INPP5B: variants seen among roughly 807,000 people sequenced by gnomAD.
The protein encoded by INPP5B is type II inositol 1,4,5-trisphosphate 5-phosphatase.
Under a neutral mutation model 118.5 loss-of-function variants are expected in INPP5B, and 90 were observed. That is an observed-to-expected ratio of 0.76 (90% confidence interval 0.64 to 0.90). The LOEUF (loss-of-function observed/expected upper bound fraction) is 0.90. Ranked by LOEUF, INPP5B falls within the 40% of genes least tolerant of loss-of-function variation. INPP5B has a pLI of 0.00. For synonymous variants in INPP5B, 385 were observed against 418.9 expected (o/e 0.92, Z 0.99); for missense variants, 984 against 1,125.6 (o/e 0.87, Z 1.80).
At chr1:37,880,940 C>A (rs1434185085) in intron 14 of INPP5B, among the ~76,000 whole-genome samples, 1 of 152,194 alleles carries the variant, frequency 6.6e-6, no homozygotes, top group African/African-American at 2.4e-5. Context: ...CTAGGCTGGT[C>A]TCAAACTCTT....
chr1:37,868,395 G>C (rs1460949776), intron 20 of INPP5B, 106 bp downstream of exon 20: 1 of 713,526 alleles, frequency 1.4e-6, no homozygotes, highest in African/African-American at 1.7e-5. Context: ...CCCTCCCTGG[G>C]TGAAGAACAG....
chr1:37,912,984 G>A (rs1016568927), intron 7 of INPP5B, among the ~76,000 whole-genome samples: 2 of 150,500 alleles, frequency 1.3e-5, no homozygotes, highest in Non-Finnish European at 2.9e-5. Flanking sequence ...TGGGCCAGGC[G>A]CAGTGGCTCA....
intron 6 of INPP5B, among the ~76,000 whole-genome samples, chr1:37,934,725 T>C: frequency 6.6e-6 from 1 of 152,150 alleles, no homozygotes; most frequent in East Asian, 1.9e-4. Flanking sequence ...ACCCCAGGTG[T>C]GGTGTGGACC....
At chr1:37,896,762 CCGGA>C (rs1352980889) in intron 7 of INPP5B, among the ~76,000 whole-genome samples, 1 of 133,428 alleles carries the variant, frequency 7.5e-6, no homozygotes, top group Non-Finnish European at 1.6e-5. Flanking sequence ...CCGCCCCGTC[CCGGA>C]GGGAGGGAGG....
chr1:37,937,011 G>A (rs924687208), intron 6 of INPP5B, among the ~76,000 whole-genome samples: 3 of 151,878 alleles, frequency 2.0e-5, no homozygotes, highest in Non-Finnish European at 4.4e-5. Flanking sequence ...TAAGATCGTG[G>A]TAAAGAGTAT....
chr1:37,935,093 C>T (rs1483020590), intron 6 of INPP5B, among the ~76,000 whole-genome samples: 1 of 149,086 alleles, frequency 6.7e-6, no homozygotes, highest in Non-Finnish European at 1.5e-5. Context: ...CCCAGCTACT[C>T]GGGAGGCTGA....
rs1176166755 is a variant in INPP5B, at chr1:37,886,879, A to G, written c.1131+9T>C. On this transcript the variant is annotated intron_variant, in intron 12 of 23. Transcript: ENST00000373024. ...CTCAATGTGCCAAACAAACCAACCA[A>G]GGACTCACCATCCTCCCCATGATTC... The G allele has an allele frequency of 6.2e-7, 1 of 1,610,064 alleles. No homozygotes were observed. The highest frequency in any genetic ancestry group is 1.3e-5 in the African/African-American group (1 of 74,842).
At chr1:37,928,742 C>A (rs1302736303) in intron 7 of INPP5B, 1 of 152,158 alleles carries the variant, frequency 6.6e-6, no homozygotes, top group Non-Finnish European at 1.5e-5. Context: ...GATCCGCCCA[C>A]CTCGGCCTCC....
chr1:37,896,815 C>T (rs1342064686), intron 7 of INPP5B, among the ~76,000 whole-genome samples: 1 of 141,666 alleles, frequency 7.1e-6, no homozygotes, highest in African/African-American at 2.6e-5. Flanking sequence ...CCGCCCTGTC[C>T]GGGAGGTGAG....
At chr1:37,897,314 T>C (rs1318598497) in intron 7 of INPP5B, among the ~76,000 whole-genome samples, 3 of 147,308 alleles carry the variant, frequency 2.0e-5, no homozygotes, top group Admixed American at 6.8e-5. Flanking sequence ...GGGGAAAAGA[T>C]TGAGAAATCG....
At chr1:37,889,811 A>G in intron 8 of INPP5B, 87 bp from the exon 9 acceptor site, 2 of 976,912 alleles carry the variant, frequency 2.0e-6, no homozygotes, top group East Asian at 4.9e-5. Context: ...CCCCTATACA[A>G]GCATCTAAGT....
At position 37,868,565 on chromosome 1, in the gene INPP5B, G is replaced by A. The variant is rs1307732215; in HGVS notation, c.2237C>T (p.Pro746Leu). The A allele has an allele frequency of 6.2e-7, 1 of 1,613,932 alleles. No homozygotes were observed. The highest frequency in any genetic ancestry group is 8.5e-7 in the Non-Finnish European group (1 of 1,179,892). The part of the protein sequence containing the change: ...TGDDGSQLDS[P>L]MEIPKELWMM... ...CCAGAGCTCTTTGGGGATTTCCATG[G>A]GGCTATCCAACTGGCTCCCATCATC... Residue 746 changes from proline (P) to leucine (L), a missense_variant, in exon 20 of 24, where the codon CCC becomes CTC. Pro to Leu is a moderately conservative substitution (Grantham distance 98, BLOSUM62 -3). Transcript: ENST00000373024.
intron 7 of INPP5B, among the ~76,000 whole-genome samples, chr1:37,917,762 C>T (rs528472098): frequency 1.9e-3 from 292 of 152,192 alleles, no homozygotes; most frequent in African/African-American, 6.6e-3. Flanking sequence ...AGCAAGACCC[C>T]ATCTCTTAAA....
intron 6 of INPP5B, among the ~76,000 whole-genome samples, chr1:37,940,020 A>G (rs1645856141): frequency 6.6e-6 from 1 of 152,148 alleles, no homozygotes; most frequent in African/African-American, 2.4e-5. Context: ...CCACAGCAAG[A>G]CCACAGAGAA....
At chr1:37,934,404 A>G (rs560503330) in intron 6 of INPP5B, among the ~76,000 whole-genome samples, 1 of 152,326 alleles carries the variant, frequency 6.6e-6, no homozygotes, top group Non-Finnish European at 1.5e-5. Context: ...GGCACACAGT[A>G]GGTGCTCAAT....
At chr1:37,883,324 C>A in intron 13 of INPP5B, 1 of 985,420 alleles carries the variant, frequency 1.0e-6, no homozygotes, top group Non-Finnish European at 1.2e-6. Context: ...TATACTGCAA[C>A]CCACAAAACA....
intron 7 of INPP5B, among the ~76,000 whole-genome samples, chr1:37,918,192 AACT>A (rs1224395885): frequency 6.6e-6 from 1 of 151,996 alleles, no homozygotes; most frequent in Non-Finnish European, 1.5e-5. Context: ...GGAGTCTCCC[AACT>A]AAGAGATCTT....
chr1:37,945,992 A>G (rs966402096), intron 2 of INPP5B, 142 bp from the exon 3 acceptor site: 12 of 750,196 alleles, frequency 1.6e-5, no homozygotes, highest in African/African-American at 5.3e-5. Context: ...CTGAACTAAC[A>G]GACAAACAGG....
At chr1:37,883,593 AGT>A in intron 13 of INPP5B, 1 of 985,458 alleles carries the variant, frequency 1.0e-6, no homozygotes, top group Middle Eastern at 5.2e-4. Flanking sequence ...TCTGCACAGC[AGT>A]ACACGCACAC....
Sources: allele counts gnomAD v4.1 joint callset (sites outside exome capture counted in the v4.1 genomes callset), GRCh38; gene constraint gnomAD v4.1.1; transcripts MANE v1.5; gene names NCBI Gene and HGNC (gene_info 2026-07-23, HGNC 2026-07-21).